The following BMPR1B variants were observed in gnomAD, a reference collection of about 807,000 sequenced individuals.
BMPR1B encodes the protein bone morphogenetic protein receptor type-1B.
A neutral mutation model predicts 59.1 loss-of-function variants in BMPR1B; 12 were observed. The observed-to-expected ratio is 0.20, with a 90% CI of 0.13 to 0.33. The LOEUF is 0.33. BMPR1B is among the 10% of genes least tolerant of loss of function. The pLI is 1.00. For synonymous variants in BMPR1B, 237 were observed against 207.3 expected (o/e 1.14, Z -1.23); for missense variants, 550 against 610.9 (o/e 0.90, Z 1.05).
chr4:95,139,929 G>C (rs561390767), intron 10 of BMPR1B, among the ~76,000 whole-genome samples: 93 of 152,316 alleles, frequency 6.1e-4, no homozygotes, highest in South Asian at 1.9e-3. Context: ...CACTGTGTGG[G>C]CTGCACCCAC....
chr4:95,126,235 G>A (rs1237922669), intron 8 of BMPR1B, among the ~76,000 whole-genome samples: 1 of 152,132 alleles, frequency 6.6e-6, no homozygotes, highest in Non-Finnish European at 1.5e-5. Flanking sequence ...GTTACATTTT[G>A]CTCACTTTCT....
At chr4:95,130,723 C>CTTTTTTTTTTTTTTTTTTTTTT (rs148720302) in intron 9 of BMPR1B, among the ~76,000 whole-genome samples, 1 of 77,930 alleles carries the variant, frequency 1.3e-5, no homozygotes. Context: ...CTTTTCTTTT[C>CTTTTTTTTTTTTTTTTTTTTTT]TTTTTTTTTT....
intron 8 of BMPR1B, among the ~76,000 whole-genome samples, chr4:95,127,538 T>C (rs1732995095): frequency 6.6e-6 from 1 of 152,146 alleles, no homozygotes; most frequent in South Asian, 2.1e-4. Context: ...CAATGCTTTG[T>C]AAGATCTGTA....
At chr4:95,094,141 T>C (rs1274729426) in intron 3 of BMPR1B, among the ~76,000 whole-genome samples, 1 of 152,110 alleles carries the variant, frequency 6.6e-6, no homozygotes, top group Non-Finnish European at 1.5e-5. Flanking sequence ...AAGATTGTTA[T>C]TTTATTGAGG....
chr4:95,026,103 T>TTTCTTTCC (rs201126306), intron 3 of BMPR1B, among the ~76,000 whole-genome samples: 7,595 of 124,680 alleles, frequency 0.061, 312 homozygotes, highest in Middle Eastern at 0.085. Context: ...CTTTCATTTC[T>TTTCTTTCC]TTCTTTCTTT....
chr4:94,913,793 G>A (rs1728379108), intron 2 of BMPR1B, among the ~76,000 whole-genome samples: 1 of 152,104 alleles, frequency 6.6e-6, no homozygotes, highest in South Asian at 2.1e-4. Context: ...TTGTGATGGT[G>A]GAAATGTGTG....
chr4:94,816,802 T>C (rs980192398), intron 1 of BMPR1B, among the ~76,000 whole-genome samples: 2 of 152,216 alleles, frequency 1.3e-5, no homozygotes, highest in South Asian at 2.1e-4. Context: ...CCAGTTCTTA[T>C]TCTTAAAACC....
At chr4:95,132,169 G>A (rs1206429614) in intron 10 of BMPR1B, among the ~76,000 whole-genome samples, 2 of 152,096 alleles carry the variant, frequency 1.3e-5, no homozygotes, top group Non-Finnish European at 2.9e-5. Context: ...GATTTAATTC[G>A]AATAAATGGT....
At chr4:94,815,412 C>T (rs1340529954) in intron 1 of BMPR1B, among the ~76,000 whole-genome samples, 1 of 152,110 alleles carries the variant, frequency 6.6e-6, no homozygotes, top group African/African-American at 2.4e-5. Flanking sequence ...AAATAACTCT[C>T]CTTTAATTTT....
At chr4:95,013,038 AT>A (rs531889089) in intron 3 of BMPR1B, among the ~76,000 whole-genome samples, 7 of 151,794 alleles carry the variant, frequency 4.6e-5, no homozygotes, top group Middle Eastern at 3.4e-3. Flanking sequence ...GGGGCAATTT[AT>A]TTTTTTTAAT....
In BMPR1B at chr4:95,154,781, C is replaced by T. The variant is rs1735294923; in HGVS notation, c.*108C>T. On this transcript the variant is annotated 3_prime_UTR_variant, in exon 13 of 13. Transcript: ENST00000515059. ...CATCCACAGTACAAGCCTTGAACAT[C>T]GTCCTGCTTCCCAGTGGGTTCAGAC... 1.3e-6 allele frequency: 2 copies of T among 1,508,088 alleles called. No homozygotes were observed. The highest frequency in any genetic ancestry group is 1.8e-6 in the Non-Finnish European group (2 of 1,093,612). The allele number at this position is 1,508,088 out of a possible 1,614,324, so 93.4% of individuals were successfully genotyped here.
chr4:94,858,009 A>G (rs1017510514), intron 1 of BMPR1B, among the ~76,000 whole-genome samples: 1 of 152,028 alleles, frequency 6.6e-6, no homozygotes, highest in Non-Finnish European at 1.5e-5. Flanking sequence ...GCAGTGGCGC[A>G]ATCTTGGCTC....
intron 3 of BMPR1B, among the ~76,000 whole-genome samples, chr4:95,082,508 A>G (rs1384729296): frequency 6.6e-6 from 1 of 152,074 alleles, no homozygotes; most frequent in Non-Finnish European, 1.5e-5. Context: ...ACTACATTAA[A>G]TAAGATTTCT....
rs552909834 is a variant in BMPR1B at position 95,083,976 on chromosome 4, C to T, written c.-17-20432C>T. Among the ~76,000 whole-genome samples the T allele has an allele frequency of 2.0e-5, 3 of 152,204 alleles. No individual in the cohort carries two copies. In the South Asian group the frequency reaches 6.2e-4, roughly 32 times the overall value. On this transcript the variant is annotated intron_variant, in intron 3 of 12. Transcript: ENST00000515059. ...TTAATTTTGGAAATTCACAACTATT[C>T]ACTTTTGGCTGTATGTCCTGACATT...
chr4:94,800,372 A>G (rs1489630399), intron 1 of BMPR1B, among the ~76,000 whole-genome samples: 2 of 152,170 alleles, frequency 1.3e-5, no homozygotes, highest in Non-Finnish European at 2.9e-5. Context: ...GTAAATTGCC[A>G]AGTGTAGAAA....
chr4:95,066,669 T>C (rs1269523595), intron 3 of BMPR1B, among the ~76,000 whole-genome samples: 2 of 152,162 alleles, frequency 1.3e-5, no homozygotes, highest in African/African-American at 2.4e-5. Context: ...TAGATAATAC[T>C]TTTCAAATTG....
chr4:94,894,943 A>G (rs918701762), intron 2 of BMPR1B, among the ~76,000 whole-genome samples: 7 of 152,042 alleles, frequency 4.6e-5, no homozygotes, highest in Admixed American at 2.0e-4. Context: ...TGAAACTACT[A>G]ATTTCCTCCT....
intron 1 of BMPR1B, among the ~76,000 whole-genome samples, chr4:94,780,209 T>A (rs1228720286): frequency 6.6e-6 from 1 of 152,218 alleles, no homozygotes; most frequent in Non-Finnish European, 1.5e-5. Context: ...CAGTAGCCAC[T>A]AATCTAGTTT....
intron 3 of BMPR1B, among the ~76,000 whole-genome samples, chr4:95,061,210 CCA>C (rs144541828): frequency 0.012 from 1,652 of 132,536 alleles, 13 homozygotes; most frequent in Middle Eastern, 0.031. Context: ...CACACACACA[CCA>C]CACACCCCTC....
Sources: gnomAD v4.1 joint callset for allele counts (sites outside exome capture counted in the v4.1 genomes callset) on GRCh38, gnomAD v4.1.1 for gene constraint, MANE v1.5 for transcripts, NCBI Gene and HGNC (gene_info 2026-07-23, HGNC 2026-07-21) for gene names.